NEGR1: variants seen among roughly 807,000 people sequenced by gnomAD.
NEGR1 encodes IgLON family member 4.
In NEGR1, 10 loss-of-function variants were observed where a neutral mutation model predicts 40.9. That is an observed-to-expected ratio of 0.24 (90% CI 0.15 to 0.42). The LOEUF (loss-of-function observed/expected upper bound fraction) is 0.42. NEGR1 is among the 10% of genes least tolerant of loss of function. The pLI is 1.00. For missense variants in NEGR1, 352 were observed against 438.9 expected (o/e 0.80, Z 1.77); for synonymous variants, 185 against 166.8 (o/e 1.11, Z -0.84).
At chr1:72,277,007 T>C (rs927890626) in intron 1 of NEGR1, among the ~76,000 whole-genome samples, 3 of 152,088 alleles carry the variant, frequency 2.0e-5, no homozygotes, top group Non-Finnish European at 4.4e-5. Flanking sequence ...GAGCTAGTTA[T>C]CAGTTGGAAG....
chr1:71,552,677 TTA>T (rs2101470746), intron 6 of NEGR1, among the ~76,000 whole-genome samples: 2 of 150,848 alleles, frequency 1.3e-5, no homozygotes, highest in East Asian at 2.0e-4. Context: ...ATATATGACA[TTA>T]TATATTCCAC....
At chr1:72,008,187 G>T (rs1402962496) in intron 1 of NEGR1, among the ~76,000 whole-genome samples, 1 of 152,034 alleles carries the variant, frequency 6.6e-6, no homozygotes, top group Admixed American at 6.6e-5. Context: ...GCACATTTTA[G>T]AGAATAGGAA....
At chr1:71,703,710 T>A (rs1653781348) in intron 3 of NEGR1, among the ~76,000 whole-genome samples, 1 of 151,830 alleles carries the variant, frequency 6.6e-6, no homozygotes, top group Non-Finnish European at 1.5e-5. Flanking sequence ...ATTGTTAACT[T>A]GAAGGCAGAG....
chr1:71,675,298 C>A (rs1406641594), intron 4 of NEGR1, among the ~76,000 whole-genome samples: 5 of 149,928 alleles, frequency 3.3e-5, no homozygotes, highest in Non-Finnish European at 7.4e-5. Flanking sequence ...GCATGAATAC[C>A]CAGGAGTCCT....
intron 2 of NEGR1, among the ~76,000 whole-genome samples, chr1:71,874,847 T>C (rs1196630640): frequency 4.6e-5 from 7 of 152,052 alleles, no homozygotes; most frequent in African/African-American, 1.7e-4. Context: ...TTCTTTTTCT[T>C]TTTCTTTTCT....
chr1:72,166,257 T>C (rs1474997930), intron 1 of NEGR1, among the ~76,000 whole-genome samples: 1 of 151,900 alleles, frequency 6.6e-6, no homozygotes, highest in Non-Finnish European at 1.5e-5. Flanking sequence ...CCTGTCAAAA[T>C]AGCTATTATC....
At chr1:71,548,999 A>G (rs1194636512) in intron 6 of NEGR1, among the ~76,000 whole-genome samples, 5 of 151,722 alleles carry the variant, frequency 3.3e-5, no homozygotes, top group Non-Finnish European at 7.4e-5. Flanking sequence ...TGTACTGAGA[A>G]CAGGAGAGTT....
intron 1 of NEGR1, among the ~76,000 whole-genome samples, chr1:72,170,441 G>A (rs2100393017): frequency 6.6e-6 from 1 of 152,202 alleles, no homozygotes. Flanking sequence ...AGGGATTTGT[G>A]TTGTATTGTC....
intron 6 of NEGR1, among the ~76,000 whole-genome samples, chr1:71,431,086 T>C (rs973742455): frequency 1.3e-5 from 2 of 149,856 alleles, no homozygotes; most frequent in Non-Finnish European, 3.0e-5. Flanking sequence ...TTTTATGACC[T>C]TTTTTTTATG....
At chr1:72,120,659 A>G (rs2630402) in intron 1 of NEGR1, among the ~76,000 whole-genome samples, 44 of 151,874 alleles carry the variant, frequency 2.9e-4, no homozygotes, top group African/African-American at 6.5e-4. Context: ...ATCCCTCCCC[A>G]CTACCTCCAC....
chr1:71,528,791 T>TA (rs767510904), intron 6 of NEGR1, among the ~76,000 whole-genome samples: 194 of 151,280 alleles, frequency 1.3e-3, no homozygotes, highest in Non-Finnish European at 2.3e-3. Flanking sequence ...TGACCTTTGG[T>TA]AAAAAAACAA....
intron 1 of NEGR1, among the ~76,000 whole-genome samples, chr1:72,034,114 C>T (rs1646882354): frequency 1.3e-5 from 2 of 152,190 alleles, no homozygotes; most frequent in South Asian, 4.1e-4. Context: ...AGCCATGTAG[C>T]ACAATCAACT....
At chr1:71,679,945 C>A (rs1652775837) in intron 4 of NEGR1, among the ~76,000 whole-genome samples, 2 of 151,784 alleles carry the variant, frequency 1.3e-5, no homozygotes, top group African/African-American at 4.8e-5. Flanking sequence ...CTCCTTTAAT[C>A]TGTAATGTAA....
chr1:71,411,406 A>G (rs1013164796), intron 6 of NEGR1, among the ~76,000 whole-genome samples: 1 of 152,184 alleles, frequency 6.6e-6, no homozygotes, highest in Admixed American at 6.5e-5. Context: ...AGCATAGATG[A>G]ACCCATAGGT....
chr1:71,481,108 C>A (rs1345550811), intron 6 of NEGR1, among the ~76,000 whole-genome samples: 1 of 151,728 alleles, frequency 6.6e-6, no homozygotes, highest in Non-Finnish European at 1.5e-5. Flanking sequence ...AAGCCTTTAC[C>A]AGGCAAGGAA....
At chr1:72,141,008 C>A (rs183466924) in intron 1 of NEGR1, among the ~76,000 whole-genome samples, 16 of 152,006 alleles carry the variant, frequency 1.1e-4, no homozygotes, top group Admixed American at 3.9e-4. Flanking sequence ...GAGATGTAAA[C>A]CCTGACATTG....
intron 3 of NEGR1, among the ~76,000 whole-genome samples, chr1:71,768,504 C>A (rs1225886328): frequency 6.6e-6 from 1 of 152,032 alleles, no homozygotes; most frequent in Non-Finnish European, 1.5e-5. Context: ...ATGCCTATAC[C>A]CCATTGTATC....
intron 1 of NEGR1, among the ~76,000 whole-genome samples, chr1:71,942,110 A>G (rs1012930945): frequency 4.6e-5 from 7 of 151,632 alleles, no homozygotes; most frequent in Non-Finnish European, 8.8e-5. Context: ...AACAAGTAGC[A>G]TTGGTTTCTT....
chr1:71,739,213 A>T (rs867226981), intron 3 of NEGR1, among the ~76,000 whole-genome samples: 4 of 150,600 alleles, frequency 2.7e-5, no homozygotes, highest in African/African-American at 9.9e-5. Context: ...AAAAAAAAAA[A>T]AAAACAAAAA....
Sources: gnomAD v4.1 joint callset for allele counts (sites outside exome capture counted in the v4.1 genomes callset) on GRCh38, gnomAD v4.1.1 for gene constraint, MANE v1.5 for transcripts, NCBI Gene and HGNC (gene_info 2026-07-23, HGNC 2026-07-21) for gene names.